MYH11: variants seen among roughly 807,000 people sequenced by gnomAD.
MYH11 encodes the protein myosin heavy chain 11.
Under a neutral mutation model 246.6 loss-of-function variants are expected in MYH11, and 80 were observed. The ratio of observed to expected loss-of-function variants is 0.32; its 90% CI spans 0.27 to 0.39. The LOEUF is 0.39. Among genes scored for constraint, MYH11 ranks in the 10% least tolerant of loss-of-function variants. MYH11 has a pLI of 1.00. For synonymous variants in MYH11, 1,071 were observed against 1,015.5 expected (o/e 1.05, Z -1.04); for missense variants, 2,158 against 2,546.8 (o/e 0.85, Z 3.29).
intron 6 of MYH11, among the ~76,000 whole-genome samples, chr16:15,781,297 G>A (rs866339491): frequency 3.3e-5 from 5 of 152,162 alleles, no homozygotes; most frequent in East Asian, 1.9e-4. Context: ...CATCTAATAC[G>A]TGTAGGAGGT....
chr16:15,705,357 G>T (rs2039389168), intron 40 of MYH11, among the ~76,000 whole-genome samples: 1 of 152,142 alleles, frequency 6.6e-6, no homozygotes, highest in South Asian at 2.1e-4. Context: ...CTCTGCGCTG[G>T]TTCTCTCTTG....
At chr16:15,823,551 C>T in intron 2 of MYH11, 140 bp from the exon 3 acceptor site, 2 of 1,078,874 alleles carry the variant, frequency 1.9e-6, no homozygotes, top group Non-Finnish European at 2.8e-6. Flanking sequence ...CACTGATATT[C>T]CAGGTACGTG....
intron 3 of MYH11, among the ~76,000 whole-genome samples, chr16:15,820,754 C>T (rs2043389544): frequency 6.6e-6 from 1 of 152,236 alleles, no homozygotes; most frequent in African/African-American, 2.4e-5. Context: ...AAAAACCCCA[C>T]ACCCACTCTT....
intron 1 of MYH11, among the ~76,000 whole-genome samples, chr16:15,851,704 A>G (rs1270620837): frequency 6.6e-6 from 1 of 152,102 alleles, no homozygotes; most frequent in Non-Finnish European, 1.5e-5. Context: ...AACCTGTCAC[A>G]TTCTTATTGC....
rs752403056 is a variant in MYH11, at chr16:15,760,671, A to G, written c.1130-13T>C. ...ACTTTCTGAGCAGCTGGATGGAGAA[A>G]AGAAACATCGTGAGTGCATCACAAA... is the stretch of plus-strand genomic sequence containing the variant. On this transcript the variant is annotated splice_polypyrimidine_tract_variant and intron_variant, in intron 10 of 40. Coordinates refer to ENST00000300036, the MANE Select transcript of MYH11 (RefSeq NM_002474.3). 2.4e-5 allele frequency: 37 copies of G among 1,543,838 alleles called. No individual in the cohort carries two copies. Among genetic ancestry groups the G allele is most frequent in the Non-Finnish European group, 3.2e-5 (36 of 1,115,932 alleles).
intron 7 of MYH11, among the ~76,000 whole-genome samples, chr16:15,778,037 T>A (rs1458939753): frequency 6.6e-6 from 1 of 152,112 alleles, no homozygotes; most frequent in African/African-American, 2.4e-5. Context: ...CCCCAGGTCC[T>A]ATACATTGCC....
chr16:15,790,327 C>T (rs1596843200), intron 4 of MYH11, among the ~76,000 whole-genome samples: 2 of 146,894 alleles, frequency 1.4e-5, no homozygotes, highest in East Asian at 4.1e-4. Flanking sequence ...AACAAACAAA[C>T]AAACAGACAG....
chr16:15,774,833 C>T (rs34719889), intron 8 of MYH11, among the ~76,000 whole-genome samples: 8,112 of 152,280 alleles, frequency 0.053, 363 homozygotes, highest in East Asian at 0.13. Context: ...AGGTAATCCG[C>T]CCGCCTCTGC....
intron 37 of MYH11, 59 bp downstream of exon 37, chr16:15,718,256 G>T: frequency 6.2e-7 from 1 of 1,603,172 alleles, no homozygotes; most frequent in Non-Finnish European, 8.5e-7. Flanking sequence ...GACTGGTGCA[G>T]GATCCTGCTG....
intron 1 of MYH11, among the ~76,000 whole-genome samples, chr16:15,838,641 C>G (rs1275665989): frequency 6.6e-6 from 1 of 152,152 alleles, no homozygotes; most frequent in Admixed American, 6.5e-5. Flanking sequence ...GGGCAAATCA[C>G]TTGAGGCCAG....
chr16:15,837,351 A>G (rs561250117), intron 2 of MYH11, among the ~76,000 whole-genome samples: 115 of 152,300 alleles, frequency 7.6e-4, no homozygotes, highest in Non-Finnish European at 1.3e-3. Flanking sequence ...CACTTGGCAC[A>G]TGTGATGACA....
At chr16:15,727,408 C>G (rs1954530032) in intron 27 of MYH11, among the ~76,000 whole-genome samples, 3 of 152,154 alleles carry the variant, frequency 2.0e-5, no homozygotes, top group Non-Finnish European at 2.9e-5. Flanking sequence ...ACCATGTTAG[C>G]CAGGCTGCTC....
chr16:15,720,525 G>A (rs962123554), intron 33 of MYH11, among the ~76,000 whole-genome samples: 1 of 151,806 alleles, frequency 6.6e-6, no homozygotes, highest in Non-Finnish European at 1.5e-5. Context: ...CAGGAGAATG[G>A]ATCACTTGAG....
intron 6 of MYH11, among the ~76,000 whole-genome samples, chr16:15,780,307 C>T (rs1175742715): frequency 6.6e-6 from 1 of 151,762 alleles, no homozygotes; most frequent in East Asian, 1.9e-4. Flanking sequence ...ACAGTGGGGC[C>T]AAGGATATTT....
chr16:15,715,111 G>A, intron 39 of MYH11, 30 bp from the exon 40 acceptor site: 3 of 1,612,456 alleles, frequency 1.9e-6, no homozygotes, highest in Non-Finnish European at 2.5e-6. Context: ...GGGTGGTTAG[G>A]GGAGGCCGGC....
intron 6 of MYH11, 155 bp from the exon 7 acceptor site, chr16:15,778,998 C>T (rs1447462257): frequency 1.9e-5 from 14 of 750,390 alleles, no homozygotes; most frequent in South Asian, 7.3e-5. Context: ...AGTTGTCAGG[C>T]GGAACCAACA....
At chr16:15,718,128 T>C (rs1411993242) in intron 37 of MYH11, 187 bp downstream of exon 37, 29 of 890,156 alleles carry the variant, frequency 3.3e-5, no homozygotes, top group Non-Finnish European at 4.3e-5. Context: ...GAGAGGAGTA[T>C]TCTGAAGACA....
In MYH11 at chr16:15,703,944, T is replaced by G. The variant is rs1288000802; in HGVS notation, c.*47A>C. The G allele has an allele frequency of 1.2e-6, 2 of 1,613,284 alleles. No individual in the cohort carries two copies. The highest frequency in any genetic ancestry group is 3.3e-5 in the Admixed American group (2 of 59,972). On this transcript the variant is annotated 3_prime_UTR_variant, in exon 41 of 41. Transcript: ENST00000300036. ...TGTTGGGTTTTTTTTGTTTGTTTGT[T>G]TTGGTTTTTGGTTTTCTTGCCGTGG...
chr16:15,837,806 A>G (rs2043939082), intron 2 of MYH11, 102 bp downstream of exon 2: 1 of 1,079,380 alleles, frequency 9.3e-7, no homozygotes, highest in Non-Finnish European at 1.4e-6. Flanking sequence ...AAGTGCTGGG[A>G]GTACAGGCAT....
Sources: allele counts gnomAD v4.1 joint callset (sites outside exome capture counted in the v4.1 genomes callset), GRCh38; gene constraint gnomAD v4.1.1; transcripts MANE v1.5; gene names NCBI Gene and HGNC (gene_info 2026-07-23, HGNC 2026-07-21).